The following TNPO3 variants were observed in gnomAD, a reference collection of about 807,000 sequenced individuals.
TNPO3 encodes transportin 3.
In TNPO3, 65 loss-of-function variants were observed where a neutral mutation model predicts 122.8. That is an observed-to-expected ratio of 0.53 (90% CI 0.43 to 0.65). TNPO3 has a LOEUF of 0.65. Among genes scored for constraint, TNPO3 ranks in the 30% least tolerant of loss-of-function variants. The pLI, the probability that TNPO3 is intolerant of heterozygous loss-of-function variation, is 0.00. For missense variants in TNPO3, 850 were observed against 1,136.7 expected (o/e 0.75, Z 3.63); for synonymous variants, 372 against 411.2 (o/e 0.90, Z 1.15).
At chr7:129,006,122 C>T (rs1270256717) in intron 4 of TNPO3, among the ~76,000 whole-genome samples, 1 of 152,132 alleles carries the variant, frequency 6.6e-6, no homozygotes, top group Non-Finnish European at 1.5e-5. Context: ...TGGACTAACA[C>T]AATCCCCAAA....
chr7:128,974,273 C>T (rs1381509758), intron 18 of TNPO3, among the ~76,000 whole-genome samples: 2 of 144,028 alleles, frequency 1.4e-5, no homozygotes, highest in East Asian at 2.0e-4. Flanking sequence ...TTTGTTGTTT[C>T]GAAAATAATG....
intron 1 of TNPO3, among the ~76,000 whole-genome samples, chr7:129,021,945 T>G (rs1292333804): frequency 6.6e-6 from 1 of 152,166 alleles, no homozygotes; most frequent in African/African-American, 2.4e-5. Flanking sequence ...AGGAGTGTTT[T>G]TTTTTAAACA....
chr7:128,980,018 T>G lies in TNPO3; in HGVS notation c.1873A>C (p.Ile625Leu). The change falls in exon 15 of 23, where the codon ATT becomes CTT. Residue 625 changes from isoleucine (I) to leucine (L), a missense_variant. Ile to Leu is a conservative substitution (Grantham distance 5). Coordinates refer to ENST00000265388, the MANE Select transcript of TNPO3 (RefSeq NM_012470.4). ...GGATGAGTCTGTCCATTTTCCACAA[T>G]GGGATTGGTATGCCTGGGAAAAGAC... Reference protein sequence around the residue: ...LAVIFRHTNPIVENGQTHPCQ... With the variant: ...LAVIFRHTNPLVENGQTHPCQ... 1 of 1,614,112 alleles carries G rather than the reference T, an allele frequency of 6.2e-7. No individual in the cohort carries two copies. The highest frequency in any genetic ancestry group is 2.2e-5 in the East Asian group (1 of 44,874).
intron 1 of TNPO3, among the ~76,000 whole-genome samples, chr7:129,035,199 G>A (rs970085875): frequency 4.6e-5 from 7 of 152,156 alleles, no homozygotes; most frequent in East Asian, 1.9e-4. Flanking sequence ...GCGTGAACCC[G>A]GGAGGTGGAG....
intron 1 of TNPO3, among the ~76,000 whole-genome samples, chr7:129,019,780 G>A (rs1035718887): frequency 1.3e-5 from 2 of 152,094 alleles, no homozygotes; most frequent in African/African-American, 4.8e-5. Context: ...GATCACCTAA[G>A]GTCAGGAGTT....
chr7:128,981,902 A>G (rs1029630377), intron 14 of TNPO3, among the ~76,000 whole-genome samples: 4 of 151,968 alleles, frequency 2.6e-5, no homozygotes, highest in South Asian at 2.1e-4. Context: ...CTAATTTTTT[A>G]TATTTTTGGT....
chr7:128,982,335 A>G lies in TNPO3; in HGVS notation c.1783-11T>C. On this transcript the variant is annotated splice_polypyrimidine_tract_variant and intron_variant, in intron 13 of 22. Coordinates refer to ENST00000265388, the MANE Select transcript of TNPO3 (RefSeq NM_012470.4). The stretch of plus-strand genomic sequence containing the variant: ...CTCTTGAGACAACAGCTGAAGAGAC[A>G]AAAGGACATTAACACCCAATTGTCA... 1.2e-6 allele frequency: 2 copies of G among 1,611,284 alleles called. No individual in the cohort carries two copies. The highest frequency in any genetic ancestry group is 1.3e-5 in the African/African-American group (1 of 74,952).
intron 1 of TNPO3, among the ~76,000 whole-genome samples, chr7:129,044,746 TTTTAAG>T (rs1807819752): frequency 1.3e-5 from 2 of 152,348 alleles, no homozygotes; most frequent in Admixed American, 1.3e-4. Flanking sequence ...ATAAATTTGT[TTTTAAG>T]TTTAACAGAG....
intron 3 of TNPO3, among the ~76,000 whole-genome samples, chr7:129,016,279 A>G (rs920836368): frequency 1.3e-5 from 2 of 152,090 alleles, no homozygotes; most frequent in Non-Finnish European, 2.9e-5. Flanking sequence ...CTGTAATCTC[A>G]GCCGCCTGGG....
intron 21 of TNPO3, among the ~76,000 whole-genome samples, chr7:128,966,214 T>C (rs1797915256): frequency 6.6e-6 from 1 of 152,222 alleles, no homozygotes; most frequent in African/African-American, 2.4e-5. Flanking sequence ...TCTTCTTCCT[T>C]GTTCATCTTT....
At chr7:129,023,297 A>G (rs1250719148) in intron 1 of TNPO3, among the ~76,000 whole-genome samples, 6 of 152,128 alleles carry the variant, frequency 3.9e-5, no homozygotes, top group Non-Finnish European at 8.8e-5. Flanking sequence ...TTTACCTTTA[A>G]GTATTTATAC....
chr7:128,982,418 C>T (rs948322019), intron 13 of TNPO3, 94 bp from the exon 14 acceptor site: 38 of 1,061,930 alleles, frequency 3.6e-5, no homozygotes, highest in Non-Finnish European at 5.3e-5. Flanking sequence ...TCAATCTCTG[C>T]TTATTTCCTT....
At chr7:128,965,113 G>C (rs1308168647) in intron 21 of TNPO3, among the ~76,000 whole-genome samples, 1 of 152,172 alleles carries the variant, frequency 6.6e-6, no homozygotes, top group African/African-American at 2.4e-5. Flanking sequence ...AAAAACTTCT[G>C]TGCATCAAGG....
At chr7:128,973,804 GAAAAAAAAAAAAAAA>G (rs1217615926) in intron 18 of TNPO3, among the ~76,000 whole-genome samples, 2 of 50,080 alleles carry the variant, frequency 4.0e-5, no homozygotes, top group Non-Finnish European at 6.6e-5. Flanking sequence ...TCTATCAACT[GAAAAAAAAAAAAAAA>G]GAAAAGGAAA....
At chr7:129,011,940 T>TG (rs1442868379) in intron 4 of TNPO3, among the ~76,000 whole-genome samples, 1 of 152,106 alleles carries the variant, frequency 6.6e-6, no homozygotes, top group African/African-American at 2.4e-5. Flanking sequence ...AATGGCTAAG[T>TG]GAAAAACATA....
At chr7:129,018,256 T>C (rs867843925) in intron 1 of TNPO3, 99 bp from the exon 2 acceptor site, 5 of 1,226,422 alleles carry the variant, frequency 4.1e-6, no homozygotes, top group Middle Eastern at 2.0e-4. Flanking sequence ...GCCCAAAGTA[T>C]AAAGAAAGAA....
In TNPO3 at chr7:129,004,243, G is replaced by A. The variant is rs550732842; in HGVS notation, c.696+773C>T. Among the ~76,000 whole-genome samples the A allele has an allele frequency of 7.9e-5, 12 of 152,086 alleles. No homozygotes were observed. The South Asian group carries it at 1.2e-3, about 16-fold the overall frequency. On this transcript the variant is annotated intron_variant, in intron 5 of 22. Coordinates refer to ENST00000265388, the MANE Select transcript of TNPO3 (RefSeq NM_012470.4). ...ACTATCTTCTGAGTAATAGCGCATCGGCATACATTCACAATACATGCAGCT... is the reference window on the plus strand; with the variant it reads ...ACTATCTTCTGAGTAATAGCGCATCAGCATACATTCACAATACATGCAGCT...
intron 5 of TNPO3, among the ~76,000 whole-genome samples, chr7:129,003,307 T>G (rs1254423007): frequency 6.7e-6 from 1 of 149,726 alleles, no homozygotes; most frequent in Non-Finnish European, 1.5e-5. Context: ...GTTTTTTTTT[T>G]TTTTTTTTTT....
intron 1 of TNPO3, among the ~76,000 whole-genome samples, chr7:129,034,134 AC>A (rs1389357330): frequency 1.3e-5 from 2 of 152,258 alleles, no homozygotes; most frequent in Non-Finnish European, 2.9e-5. Context: ...AACCTCAAGG[AC>A]ATTATACTAA....
Sources: gnomAD v4.1 joint callset for allele counts (sites outside exome capture counted in the v4.1 genomes callset) on GRCh38, gnomAD v4.1.1 for gene constraint, MANE v1.5 for transcripts, NCBI Gene and HGNC (gene_info 2026-07-23, HGNC 2026-07-21) for gene names.